Variants in TULP4 observed in about 807,000 individuals in gnomAD.
TULP4 encodes tubby-related protein 4.
A neutral mutation model predicts 129.0 loss-of-function variants in TULP4; 16 were observed. The ratio of observed to expected loss-of-function variants is 0.12; its 90% CI spans 0.08 to 0.19. TULP4 has a LOEUF of 0.19. Ranked by LOEUF, TULP4 falls within the 10% of genes least tolerant of loss-of-function variation. The pLI is 1.00. For missense variants in TULP4, 1,842 were observed against 2,059.1 expected, an observed-to-expected ratio of 0.89 and a Z score of 2.04; for synonymous variants, 998 against 854.0, an observed-to-expected ratio of 1.17 and a Z score of -2.94.
chr6:158,448,903 A>G lies in TULP4; in HGVS notation c.544-93A>G, dbSNP rs532604013. ...ACTAGCTATTTTTAGTTCTAAATGT[A>G]TATTGTCTTCCTAAAACAAATCGAG... On this transcript the variant is annotated intron_variant, in intron 3 of 13. Coordinates refer to ENST00000367097, the MANE Select transcript of TULP4 (RefSeq NM_020245.5). The G allele has an allele frequency of 6.5e-5, 86 of 1,320,538 alleles. No individual in the cohort carries two copies. The African/African-American group carries it at 1.2e-3, about 18-fold the overall frequency. The allele number at this position is 1,320,538 out of a possible 1,614,324, so 81.8% of individuals were successfully genotyped here.
chr6:158,250,161 T>TC (rs928237561), intron 1 of TULP4, among the ~76,000 whole-genome samples: 3 of 151,248 alleles, frequency 2.0e-5, no homozygotes, highest in African/African-American at 7.3e-5. Flanking sequence ...TCTTTTCTTT[T>TC]TTTTTTTTTT....
intron 1 of TULP4, chr6:158,237,267 A>G: frequency 2.7e-6 from 3 of 1,110,534 alleles, no homozygotes; most frequent in Non-Finnish European, 4.1e-6. Flanking sequence ...TTCTTGCTGT[A>G]TTACCTTTAT....
rs938874658 is a variant in TULP4 at position 158,313,209 on chromosome 6, A to G, written c.-808A>G. ...TGAAGGGGCCTTCTTTCTAGCCTCTATGGCACTGAGGGGTGCGCCGGCTGG... is the reference window on the plus strand; with the variant it reads ...TGAAGGGGCCTTCTTTCTAGCCTCTGTGGCACTGAGGGGTGCGCCGGCTGG... On this transcript the variant is annotated 5_prime_UTR_variant, in exon 1 of 14. The change abolishes an upstream ATG in the 5' untranslated region. Coordinates refer to ENST00000367097, the MANE Select transcript of TULP4 (RefSeq NM_020245.5). The G allele has an allele frequency of 3.7e-5, 12 of 321,050 alleles. No individual in the cohort carries two copies. The highest frequency in any genetic ancestry group is 1.3e-4 in the African/African-American group (6 of 47,010). 19.9% of individuals were successfully genotyped at this position (321,050 alleles called of 1,614,324 possible).
intron 1 of TULP4, among the ~76,000 whole-genome samples, chr6:158,259,027 C>T (rs529091096): frequency 1.3e-5 from 2 of 152,122 alleles, no homozygotes; most frequent in African/African-American, 4.8e-5. Context: ...GTCAGGAGTT[C>T]GAGAACAGCC....
chr6:158,327,231 A>G (rs1779764655), intron 1 of TULP4, among the ~76,000 whole-genome samples: 1 of 152,218 alleles, frequency 6.6e-6, no homozygotes, highest in Non-Finnish European at 1.5e-5. Context: ...GACCTAAAAA[A>G]CATTCAAAAG....
At chr6:158,255,098 G>A (rs9347169) in intron 1 of TULP4, among the ~76,000 whole-genome samples, 49,711 of 151,720 alleles carry the variant, frequency 0.33, 9,112 homozygotes, top group Admixed American at 0.45. Flanking sequence ...AAAAGCAACA[G>A]AAAAACTCTG....
chr6:158,279,131 A>G (rs1416398938), upstream of TULP4, among the ~76,000 whole-genome samples: 7 of 151,174 alleles, frequency 4.6e-5, no homozygotes, highest in Non-Finnish European at 1.0e-4. Flanking sequence ...TTTAGTAGAG[A>G]CAGGGTTTCA....
rs1041213074 is a variant in TULP4 at position 158,378,575 on chromosome 6, C to A, written c.253-34490C>A. Among the ~76,000 whole-genome samples the A allele has an allele frequency of 1.2e-4, 18 of 150,542 alleles. 2 individuals carry two copies. In the South Asian group the frequency reaches 1.7e-3, roughly 14 times the overall value. On this transcript the variant is annotated intron_variant, in intron 1 of 13. Transcript: ENST00000367097. ...TCTCAGCTCACTGCAACCTCTCCCC[C>A]ACCTCTCCAGGTTCAAGCGATTCTC...
intron 1 of TULP4, among the ~76,000 whole-genome samples, chr6:158,352,629 T>C (rs562081197): frequency 1.0e-3 from 158 of 152,186 alleles, no homozygotes; most frequent in Middle Eastern, 6.8e-3. Context: ...TCTCTTGACC[T>C]TGTGATCCAC....
At chr6:158,483,755 A>G (rs1024108396) in intron 8 of TULP4, among the ~76,000 whole-genome samples, 1 of 152,020 alleles carries the variant, frequency 6.6e-6, no homozygotes, top group Non-Finnish European at 1.5e-5. Context: ...TTACCCTTAG[A>G]TTACGATTCA....
chr6:158,305,530 T>A (rs1779204800), intron 1 of TULP4, among the ~76,000 whole-genome samples: 2 of 151,136 alleles, frequency 1.3e-5, no homozygotes, highest in Admixed American at 1.3e-4. Flanking sequence ...TAAGACCCTG[T>A]CTGTACCAAA....
chr6:158,481,532 T>C, intron 8 of TULP4: 2 of 558,230 alleles, frequency 3.6e-6, no homozygotes, highest in Non-Finnish European at 6.5e-6. Context: ...GGTGGATAGA[T>C]GAACCAGGCA....
chr6:158,264,165 G>C (rs550134894), intron 1 of TULP4, among the ~76,000 whole-genome samples: 12 of 152,228 alleles, frequency 7.9e-5, no homozygotes, highest in Admixed American at 6.5e-5. Context: ...TATGCAGCCT[G>C]TGGGGTTGGG....
At chr6:158,405,447 C>G (rs1339520608) in intron 1 of TULP4, among the ~76,000 whole-genome samples, 2 of 152,176 alleles carry the variant, frequency 1.3e-5, no homozygotes, top group Non-Finnish European at 2.9e-5. Flanking sequence ...TATTGGTGAT[C>G]AAACAGGTGT....
intron 1 of TULP4, among the ~76,000 whole-genome samples, chr6:158,289,011 T>C (rs1020342398): frequency 6.6e-6 from 1 of 152,226 alleles, no homozygotes; most frequent in Admixed American, 6.5e-5. Flanking sequence ...TGTAGGCTAT[T>C]CCTGAATGTT....
At chr6:158,243,679 A>G (rs1777969026) in intron 1 of TULP4, among the ~76,000 whole-genome samples, 1 of 152,096 alleles carries the variant, frequency 6.6e-6, no homozygotes, top group Admixed American at 6.5e-5. Flanking sequence ...GGCTAAATCA[A>G]AAGAATCCAA....
chr6:158,386,871 ATGTC>A (rs1417111441), intron 1 of TULP4, among the ~76,000 whole-genome samples: 1 of 152,214 alleles, frequency 6.6e-6, no homozygotes, highest in African/African-American at 2.4e-5. Flanking sequence ...AGTTGTTAGA[ATGTC>A]TATCTAGTAC....
chr6:158,236,272 G>T (rs1300295302), intron 1 of TULP4, among the ~76,000 whole-genome samples: 1 of 152,202 alleles, frequency 6.6e-6, no homozygotes, highest in African/African-American at 2.4e-5. Context: ...GTTATTTTCA[G>T]TGTCTGTATA....
upstream of TULP4, among the ~76,000 whole-genome samples, chr6:158,311,733 C>T (rs562253092): frequency 1.6e-4 from 24 of 152,272 alleles, no homozygotes; most frequent in African/African-American, 2.2e-4. Flanking sequence ...GTCTCACATT[C>T]GGAGTTCAGT....
Sources: allele counts gnomAD v4.1 joint callset (sites outside exome capture counted in the v4.1 genomes callset), GRCh38; gene constraint gnomAD v4.1.1; transcripts MANE v1.5; gene names NCBI Gene and HGNC (gene_info 2026-07-23, HGNC 2026-07-21).